The following LAMC2 variants were observed in gnomAD, a reference collection of about 807,000 sequenced individuals.
LAMC2 encodes laminin subunit gamma 2.
Under a neutral mutation model 140.2 loss-of-function variants are expected in LAMC2, and 97 were observed. The observed-to-expected ratio is 0.69, with a 90% CI of 0.59 to 0.82. The LOEUF (loss-of-function observed/expected upper bound fraction) is 0.82, where lower values mean the gene tolerates loss of function less well. Among genes scored for constraint, LAMC2 ranks in the 40% least tolerant of loss-of-function variants. The pLI is 0.00. For synonymous variants in LAMC2, 513 were observed against 540.2 expected (o/e 0.95, Z 0.70); for missense variants, 1,402 against 1,476.1 (o/e 0.95, Z 0.82).
the LAMC2 span, among the ~76,000 whole-genome samples, chr1:183,255,800 A>C: frequency 6.6e-6 from 1 of 151,416 alleles, no homozygotes; most frequent in African/African-American, 2.4e-5. Context: ...AGTAGCTCGG[A>C]TTACAGGCAC....
chr1:183,227,407 G>C, intron 9 of LAMC2, 108 bp from the exon 10 acceptor site: 3 of 1,101,804 alleles, frequency 2.7e-6, no homozygotes, highest in Non-Finnish European at 4.2e-6. Flanking sequence ...TTTGGGGAAG[G>C]CTTCAGAAAG....
intron 14 of LAMC2, among the ~76,000 whole-genome samples, 186 bp from the exon 15 acceptor site, chr1:183,234,181 C>G (rs1659881217): frequency 6.6e-6 from 1 of 152,316 alleles, no homozygotes; most frequent in East Asian, 1.9e-4. Context: ...GCCACCACAC[C>G]CGGCCTATAC....
In LAMC2 at chr1:183,227,775, G is replaced by T. The variant is rs902167958; in HGVS notation, c.1468+78G>T. 3.8e-6 allele frequency: 5 copies of T among 1,322,766 alleles called. No individual in the cohort carries two copies. The Admixed American group carries it at 9.2e-5, about 24-fold the overall frequency. 81.9% of individuals were successfully genotyped at this position (1,322,766 alleles called of 1,614,324 possible). A position where few individuals can be genotyped will look rare whatever the true frequency, so the allele number is the denominator to read the frequency against. ...AATGTGTGCAAATAGCTTCCATTCC[G>T]AGGAATTCCTAGGAAATTATAATGA... is the stretch of plus-strand genomic sequence containing the variant. On this transcript the variant is annotated intron_variant, in intron 10 of 22. Coordinates refer to ENST00000264144, the MANE Select transcript of LAMC2 (RefSeq NM_005562.3).
intron 1 of LAMC2, among the ~76,000 whole-genome samples, chr1:183,207,243 C>T (rs569327798): frequency 1.3e-5 from 2 of 152,148 alleles, no homozygotes; most frequent in Admixed American, 1.3e-4. Flanking sequence ...CTTTGCTGTT[C>T]GGGTCCTTAT....
intron 1 of LAMC2, among the ~76,000 whole-genome samples, chr1:183,198,390 G>T (rs184382755): frequency 1.3e-3 from 197 of 152,126 alleles, no homozygotes; most frequent in Non-Finnish European, 2.4e-3. Flanking sequence ...TGATCTGCCC[G>T]CCTTGGCCTC....
At position 183,235,667 on chromosome 1, in the gene LAMC2, A is replaced by G. The variant is rs371577292; in HGVS notation, c.2393A>G (p.His798Arg). Residue 798 changes from histidine (H) to arginine (R), a missense_variant, in exon 16 of 23, where the codon CAT becomes CGT. Coordinates refer to ENST00000264144, the MANE Select transcript of LAMC2 (RefSeq NM_005562.3). ...CTCTCACTGGTGCGCAAGGCCCTGC[A>G]TGAAGGAGTCGGAAGCGGAAGCGGT... Reference protein sequence around the residue: ...QALSLVRKALHEGVGSGSGSP... With the variant: ...QALSLVRKALREGVGSGSGSP... 4 of 1,614,240 alleles carry G rather than the reference A, an allele frequency of 2.5e-6. No homozygotes were observed. The highest frequency in any genetic ancestry group is 1.7e-5 in the Admixed American group (1 of 60,032).
intron 5 of LAMC2, 48 bp downstream of exon 5, chr1:183,221,009 G>A: frequency 6.3e-7 from 1 of 1,582,388 alleles, no homozygotes; most frequent in Non-Finnish European, 8.7e-7. Flanking sequence ...GTTGTACAGG[G>A]CTTTGTGTTT....
At chr1:183,220,236 G>A (rs1002835413) in intron 4 of LAMC2, among the ~76,000 whole-genome samples, 6 of 152,162 alleles carry the variant, frequency 3.9e-5, no homozygotes, top group African/African-American at 1.4e-4. Context: ...GAGGTGGAAT[G>A]CAAGCTTACA....
At chr1:183,220,784 A>T in intron 4 of LAMC2, 41 bp from the exon 5 acceptor site, 1 of 1,598,738 alleles carries the variant, frequency 6.3e-7, no homozygotes, top group South Asian at 1.1e-5. Flanking sequence ...ATAGAATAAA[A>T]AATAACCTAT....
chr1:183,236,477 C>T lies in LAMC2; in HGVS notation c.2474C>T (p.Ser825Phe), dbSNP rs1558097759. 1 of 1,613,698 alleles carries T rather than the reference C, an allele frequency of 6.2e-7. No homozygotes were observed. Among genetic ancestry groups the T allele is most frequent in the Non-Finnish European group, 8.5e-7 (1 of 1,179,902 alleles). ...AACACCAGATTGGAGAAAACCAAGTCCCTGGCCCAGCAGTTGACAAGGGAG... is the reference window on the plus strand; with the variant it reads ...AACACCAGATTGGAGAAAACCAAGTTCCTGGCCCAGCAGTTGACAAGGGAG... ...GLVEKLEKTK[S>F]LAQQLTREAT... Residue 825 changes from serine (S) to phenylalanine (F), a missense_variant, in exon 17 of 23, where the codon TCC becomes TTC. This residue lies in a region of LAMC2 where 670 missense variants were observed against 667.2 expected (regional missense o/e 1.00). Transcript: ENST00000264144.
intron 1 of LAMC2, among the ~76,000 whole-genome samples, chr1:183,191,194 C>CTT (rs11384954): frequency 5.3e-5 from 8 of 151,830 alleles, no homozygotes; most frequent in African/African-American, 1.9e-4. Flanking sequence ...TAAGTATGAT[C>CTT]TTTTTTTTCC....
chr1:183,235,440 T>C (rs1659923759), intron 15 of LAMC2, 135 bp from the exon 16 acceptor site: 3 of 937,928 alleles, frequency 3.2e-6, no homozygotes, highest in African/African-American at 3.3e-5. Context: ...TCTAATTCCA[T>C]GTAATTTGAG....
chr1:183,243,046 G>C (rs1660168551), intron 22 of LAMC2, 101 bp from the exon 23 acceptor site: 1 of 1,304,420 alleles, frequency 7.7e-7, no homozygotes, highest in South Asian at 1.2e-5. Context: ...CTCTAGGCAA[G>C]TGGAAATGGG....
chr1:183,242,427 C>T (rs950038062), intron 22 of LAMC2, among the ~76,000 whole-genome samples: 1 of 152,178 alleles, frequency 6.6e-6, no homozygotes, highest in Non-Finnish European at 1.5e-5. Context: ...ACCTTGAGTT[C>T]GAATTGACCA....
the LAMC2 span, among the ~76,000 whole-genome samples, chr1:183,256,160 C>A: frequency 6.6e-6 from 1 of 152,024 alleles, no homozygotes; most frequent in East Asian, 1.9e-4. Context: ...GTAATCCCAG[C>A]ACTTTGGGAG....
Position 183,223,258 on chromosome 1 carries a change from TC to T in LAMC2, c.888del (p.Thr297GlnfsTer4). The T allele has an allele frequency of 6.2e-7, 1 of 1,614,238 alleles. No individual in the cohort carries two copies. The highest frequency in any genetic ancestry group is 8.5e-7 in the Non-Finnish European group (1 of 1,180,036). On this transcript the variant is annotated frameshift_variant, in exon 7 of 23. Coordinates refer to ENST00000264144, the MANE Select transcript of LAMC2 (RefSeq NM_005562.3). LOFTEE classifies it high-confidence loss of function. ...ATTCTGGAAGGTGCTGGTCTACGGA[TC>T]ACAGCTCCCTTGATGCCACTTGGCA... is the stretch of plus-strand genomic sequence containing the variant. ...DVILEGAGLR[I>X]TAPLMPLGKT...
At chr1:183,198,124 C>CTT (rs11338376) in intron 1 of LAMC2, among the ~76,000 whole-genome samples, 1 of 142,940 alleles carries the variant, frequency 7.0e-6, no homozygotes, top group Non-Finnish European at 1.5e-5. Context: ...TGAGCATCAT[C>CTT]TTTTTTTTTT....
chr1:183,188,645 TA>T lies in LAMC2; in HGVS notation c.79+2218del, dbSNP rs1208790809. On this transcript the variant is annotated intron_variant, in intron 1 of 22. Coordinates refer to ENST00000264144, the MANE Select transcript of LAMC2 (RefSeq NM_005562.3). ...GATGAACAATTACTGTAAAGTGCCT[TA>T]AAATGCCTGGAACCACATTTCTTTA... Among the ~76,000 whole-genome samples, 17 of 152,338 alleles carry T rather than the reference TA, an allele frequency of 1.1e-4. No homozygotes were observed. The South Asian group carries it at 1.9e-3, about 17-fold the overall frequency.
chr1:183,189,506 T>G (rs1027846371), intron 1 of LAMC2, among the ~76,000 whole-genome samples: 1 of 152,178 alleles, frequency 6.6e-6, no homozygotes, highest in African/African-American at 2.4e-5. Flanking sequence ...CACTCCAGCC[T>G]GGGTGACAAA....
Sources: gnomAD v4.1 joint callset for allele counts (sites outside exome capture counted in the v4.1 genomes callset) on GRCh38, gnomAD v4.1.1 for gene constraint, gnomAD v4.1.1 regional missense constraint, MANE v1.5 for transcripts, NCBI Gene and HGNC (gene_info 2026-07-23, HGNC 2026-07-21) for gene names.